Variants in LAMA2 observed in about 807,000 individuals in gnomAD.
LAMA2 encodes the protein laminin subunit alpha 2.
LAMA2 carries 269 observed loss-of-function variants against 364.8 expected under a neutral mutation model. That is an observed-to-expected ratio of 0.74 (90% confidence interval 0.67 to 0.82). The LOEUF is 0.82. Ranked by LOEUF, LAMA2 falls within the 40% of genes least tolerant of loss-of-function variation. LAMA2 has a pLI of 0.00. For missense variants in LAMA2, 3,807 were observed against 3,873.2 expected (o/e 0.98, Z 0.45); for synonymous variants, 1,379 against 1,370.6 (o/e 1.01, Z -0.14).
chr6:129,270,683 C>G lies in LAMA2; in HGVS notation c.2382C>G (p.Gly794=), dbSNP rs147744763. Residue 794 remains glycine (G), a synonymous_variant, in exon 17 of 65, where the codon GGC becomes GGG. Coordinates refer to ENST00000421865, the MANE Select transcript of LAMA2 (RefSeq NM_000426.4). The part of the protein sequence containing the change: ...YCDKCLPGFY[G]EPTKGTSEDC... Reference sequence around the variant, plus strand: ...ATAAATGTCTTCCTGGTTTCTATGGCGAGCCTACTAAAGGAACCTCTGAAG... The same window carrying G: ...ATAAATGTCTTCCTGGTTTCTATGGGGAGCCTACTAAAGGAACCTCTGAAG... 2 of 1,612,614 alleles carry G rather than the reference C, an allele frequency of 1.2e-6. No homozygotes were observed. Among genetic ancestry groups the G allele is most frequent in the Non-Finnish European group, 1.7e-6 (2 of 1,179,068 alleles).
At chr6:128,944,260 G>T (rs1780358696) in intron 1 of LAMA2, among the ~76,000 whole-genome samples, 2 of 152,110 alleles carry the variant, frequency 1.3e-5, no homozygotes, top group Non-Finnish European at 2.9e-5. Context: ...AATTAATTTT[G>T]GACTTGGGTT....
rs1308342864 is a variant in LAMA2, at chr6:129,152,750, G to A, written c.1028-1755G>A. On this transcript the variant is annotated intron_variant, in intron 7 of 64. Transcript: ENST00000421865. ...CTTGTCCTCCCAGTATGTGTGTGGTGTTATTTGTAAAGGGAGAAACATGGA... is the reference window on the plus strand; with the variant it reads ...CTTGTCCTCCCAGTATGTGTGTGGTATTATTTGTAAAGGGAGAAACATGGA... Among the ~76,000 whole-genome samples the A allele has an allele frequency of 5.9e-5, 9 of 152,204 alleles. No individual in the cohort carries two copies. The East Asian group carries it at 1.7e-3, about 29-fold the overall frequency.
chr6:129,488,504 G>A (rs1784707483), intron 56 of LAMA2, among the ~76,000 whole-genome samples: 1 of 152,092 alleles, frequency 6.6e-6, no homozygotes, highest in South Asian at 2.1e-4. Context: ...TCTTCAAGAA[G>A]GGCATTTTAT....
At chr6:128,996,238 A>G (rs1334059964) in intron 1 of LAMA2, among the ~76,000 whole-genome samples, 1 of 152,086 alleles carries the variant, frequency 6.6e-6, no homozygotes, top group African/African-American at 2.4e-5. Context: ...TTGGCATGTG[A>G]AGATCGGGGA....
At position 129,291,722 on chromosome 6, in the gene LAMA2, TAAG is replaced by T; in HGVS notation, c.2856+3_2856+5del. On this transcript the variant is annotated splice_donor_5th_base_variant and intron_variant, in intron 20 of 64. Coordinates refer to ENST00000421865, the MANE Select transcript of LAMA2 (RefSeq NM_000426.4). ...GGTCAGAGATGTGACAAATGCAAGGTAAGGAGTAGAGGCTGACCCATAAATTAC... is the reference window on the plus strand; with the variant it reads ...GGTCAGAGATGTGACAAATGCAAGGTGAGTAGAGGCTGACCCATAAATTAC... The T allele has an allele frequency of 6.2e-7, 1 of 1,600,512 alleles. No individual in the cohort carries two copies. Among genetic ancestry groups the T allele is most frequent in the Non-Finnish European group, 8.6e-7 (1 of 1,167,658 alleles).
intron 12 of LAMA2, among the ~76,000 whole-genome samples, chr6:129,236,452 A>C (rs905811536): frequency 3.9e-5 from 6 of 152,122 alleles, no homozygotes; most frequent in African/African-American, 1.4e-4. Flanking sequence ...AAAACCTCTG[A>C]ATATCTGAAT....
At chr6:129,379,168 A>G (rs1014948267) in intron 34 of LAMA2, among the ~76,000 whole-genome samples, 1 of 152,180 alleles carries the variant, frequency 6.6e-6, no homozygotes, top group Admixed American at 6.5e-5. Context: ...GAACACATAG[A>G]CATGTAGAAG....
In LAMA2 at chr6:128,983,695, GC is replaced by G. The variant is rs1333164933; in HGVS notation, c.113-66222del. On this transcript the variant is annotated intron_variant, in intron 1 of 64. Coordinates refer to ENST00000421865, the MANE Select transcript of LAMA2 (RefSeq NM_000426.4). ...ATGGTCCCTGACATGGGTAACAGCTGCTTTAGAGCTGAATTTCAAGAATCAG... is the reference window on the plus strand; with the variant it reads ...ATGGTCCCTGACATGGGTAACAGCTGTTTAGAGCTGAATTTCAAGAATCAG... Among the ~76,000 whole-genome samples the G allele has an allele frequency of 3.3e-5, 5 of 152,322 alleles. No homozygotes were observed. In the East Asian group the frequency reaches 9.7e-4, roughly 29 times the overall value.
chr6:129,485,411 T>A (rs1317676079), intron 55 of LAMA2, among the ~76,000 whole-genome samples: 1 of 152,248 alleles, frequency 6.6e-6, no homozygotes, highest in Non-Finnish European at 1.5e-5. Flanking sequence ...TAATAACTCA[T>A]ATCTACTTTA....
chr6:129,273,766 G>T (rs923660209), intron 17 of LAMA2, among the ~76,000 whole-genome samples: 3 of 151,950 alleles, frequency 2.0e-5, no homozygotes, highest in African/African-American at 7.2e-5. Context: ...TTCTAATTTG[G>T]TATAATTACG....
intron 58 of LAMA2, among the ~76,000 whole-genome samples, chr6:129,496,521 A>G (rs183802449): frequency 1.3e-3 from 204 of 152,240 alleles, no homozygotes; most frequent in Non-Finnish European, 1.7e-3. Context: ...TCAGAATTAG[A>G]TTTTTTAGAA....
intron 45 of LAMA2, among the ~76,000 whole-genome samples, chr6:129,449,374 T>C (rs1208423119): frequency 6.6e-6 from 1 of 152,154 alleles, no homozygotes; most frequent in Admixed American, 6.5e-5. Context: ...GCACTTTGAA[T>C]GCTCAGGAGA....
chr6:129,126,187 T>C (rs1030173061), intron 4 of LAMA2, among the ~76,000 whole-genome samples: 7 of 152,204 alleles, frequency 4.6e-5, no homozygotes, highest in African/African-American at 1.7e-4. Flanking sequence ...TGACAAATTT[T>C]GTTTCTTTTT....
At chr6:129,372,535 T>C (rs1358944285) in intron 34 of LAMA2, among the ~76,000 whole-genome samples, 2 of 152,252 alleles carry the variant, frequency 1.3e-5, no homozygotes, top group African/African-American at 4.8e-5. Flanking sequence ...ACTGTTTACT[T>C]ATTCATTCCC....
At chr6:129,401,080 T>C (rs775547315) in intron 37 of LAMA2, 144 bp from the exon 38 acceptor site, 1 of 735,346 alleles carries the variant, frequency 1.4e-6, no homozygotes, top group Non-Finnish European at 2.5e-6. Flanking sequence ...CTAAGTAGTT[T>C]ATATTTTTCT....
intron 30 of LAMA2, among the ~76,000 whole-genome samples, chr6:129,347,201 T>C (rs1776602129): frequency 6.6e-6 from 1 of 151,918 alleles, no homozygotes; most frequent in South Asian, 2.1e-4. Context: ...AGGAGATAAG[T>C]GGAGTGTGAG....
At position 129,456,320 on chromosome 6, in the gene LAMA2, C is replaced by A. The variant is rs770629486; in HGVS notation, c.6708-15C>A. Reference sequence around the variant, plus strand: ...TGTATGTTCCTCCCCTTCACTTCAACACGTACCCTTGAAGAACTGGGAGAA... The same window carrying A: ...TGTATGTTCCTCCCCTTCACTTCAAAACGTACCCTTGAAGAACTGGGAGAA... On this transcript the variant is annotated splice_polypyrimidine_tract_variant and intron_variant, in intron 47 of 64. Coordinates refer to ENST00000421865, the MANE Select transcript of LAMA2 (RefSeq NM_000426.4). 7.4e-6 allele frequency: 12 copies of A among 1,611,852 alleles called. No individual in the cohort carries two copies. Among genetic ancestry groups the A allele is most frequent in the Admixed American group, 6.7e-5 (4 of 59,902 alleles).
chr6:129,454,518 C>A (rs1782856733), intron 47 of LAMA2, among the ~76,000 whole-genome samples: 1 of 152,120 alleles, frequency 6.6e-6, no homozygotes, highest in Admixed American at 6.6e-5. Flanking sequence ...CTGACCCCTT[C>A]ATCTTGTGTC....
chr6:129,099,376 T>G (rs1482944062), intron 4 of LAMA2, among the ~76,000 whole-genome samples: 1 of 152,054 alleles, frequency 6.6e-6, no homozygotes, highest in Non-Finnish European at 1.5e-5. Context: ...ACTATTATTT[T>G]TATTATTATC....
Sources: gnomAD v4.1 joint callset for allele counts (sites outside exome capture counted in the v4.1 genomes callset) on GRCh38, gnomAD v4.1.1 for gene constraint, MANE v1.5 for transcripts, NCBI Gene and HGNC (gene_info 2026-07-23, HGNC 2026-07-21) for gene names.